TBC1D2: variants seen among roughly 807,000 people sequenced by gnomAD.
The protein encoded by TBC1D2 is TBC1 domain family member 2A.
A neutral mutation model predicts 91.1 loss-of-function variants in TBC1D2; 58 were observed. That is an observed-to-expected ratio of 0.64 (90% CI 0.52 to 0.79). The LOEUF (loss-of-function observed/expected upper bound fraction) is 0.79, where lower values mean the gene tolerates loss of function less well. Among genes scored for constraint, TBC1D2 ranks in the 30% least tolerant of loss-of-function variants. The pLI is 0.00. For missense variants in TBC1D2, 1,080 were observed against 1,208.3 expected, an observed-to-expected ratio of 0.89 and a Z score of 1.57; for synonymous variants, 482 against 511.5, an observed-to-expected ratio of 0.94 and a Z score of 0.78.
At chr9:98,225,292 G>A (rs1210194488) in intron 5 of TBC1D2, among the ~76,000 whole-genome samples, 1 of 152,250 alleles carries the variant, frequency 6.6e-6, no homozygotes, top group African/African-American at 2.4e-5. Flanking sequence ...CAGCCATCTG[G>A]TGCTATCTCC....
At chr9:98,201,407 G>T in intron 11 of TBC1D2, 72 bp downstream of exon 11, 1 of 1,393,386 alleles carries the variant, frequency 7.2e-7, no homozygotes. Context: ...TTCTCCAGGG[G>T]CAGAGTCAAG....
intron 6 of TBC1D2, chr9:98,213,553 G>A: frequency 2.7e-6 from 1 of 375,038 alleles, no homozygotes; most frequent in Non-Finnish European, 4.2e-6. Context: ...GGGCAGTTGG[G>A]AAACTAAGTG....
At chr9:98,216,447 C>T (rs1828972649) in intron 6 of TBC1D2, among the ~76,000 whole-genome samples, 1 of 152,172 alleles carries the variant, frequency 6.6e-6, no homozygotes, top group African/African-American at 2.4e-5. Flanking sequence ...TGTGGGATAA[C>T]TATTAAAGTG....
intron 2 of TBC1D2, among the ~76,000 whole-genome samples, chr9:98,251,311 A>T (rs959718926): frequency 5.3e-5 from 8 of 151,764 alleles, no homozygotes; most frequent in African/African-American, 1.9e-4. Context: ...AAAGTCACTG[A>T]TCTACCCAAC....
In TBC1D2 at chr9:98,220,843, T is replaced by G. The variant is rs775620446; in HGVS notation, c.1364A>C (p.Glu455Ala). The G allele has an allele frequency of 1.9e-6, 3 of 1,613,888 alleles. No homozygotes were observed. The East Asian group carries it at 6.7e-5, about 36-fold the overall frequency. Residue 455 changes from glutamate (E) to alanine (A), a missense_variant, in exon 6 of 13, where the codon GAG becomes GCG. Glu to Ala is a moderately radical substitution (Grantham distance 107). Transcript: ENST00000465784. ...AGGGGAGGCCCCTACCTTCAGGTGC[T>G]CTATCTTCCCCTGCTGGCTCAGGAA... ...RDFLSQQGKI[E>A]HLKDDMEAYR...
chr9:98,239,875 G>A (rs1829594308), intron 3 of TBC1D2, among the ~76,000 whole-genome samples: 1 of 152,026 alleles, frequency 6.6e-6, no homozygotes, highest in South Asian at 2.1e-4. Flanking sequence ...GGTCTTTTTA[G>A]ATTTTCTTCT....
intron 9 of TBC1D2, among the ~76,000 whole-genome samples, chr9:98,205,234 A>G (rs1417767358): frequency 1.3e-5 from 2 of 152,168 alleles, no homozygotes; most frequent in Non-Finnish European, 2.9e-5. Flanking sequence ...GCCTCAGTCT[A>G]GGGAGTTAGC....
chr9:98,239,085 G>A (rs1008240921), intron 3 of TBC1D2, among the ~76,000 whole-genome samples: 3 of 152,028 alleles, frequency 2.0e-5, no homozygotes, highest in Non-Finnish European at 4.4e-5. Context: ...TAGAGACAGT[G>A]TCTCACTCTG....
intron 9 of TBC1D2, 29 bp from the exon 10 acceptor site, chr9:98,203,437 T>C (rs1828565834): frequency 1.2e-6 from 2 of 1,611,580 alleles, no homozygotes; most frequent in East Asian, 4.5e-5. Context: ...CCTGGAGTGA[T>C]TACAGAAGCC....
intron 6 of TBC1D2, among the ~76,000 whole-genome samples, chr9:98,214,902 T>C (rs1465396488): frequency 6.6e-6 from 1 of 152,172 alleles, no homozygotes; most frequent in Non-Finnish European, 1.5e-5. Context: ...GGGGGCTCTC[T>C]GTGGTGCCCC....
At chr9:98,204,056 C>A (rs546422797) in intron 9 of TBC1D2, among the ~76,000 whole-genome samples, 1 of 152,234 alleles carries the variant, frequency 6.6e-6, no homozygotes, top group East Asian at 1.9e-4. Context: ...TAGCATAAGG[C>A]TCTAATGAAA....
In TBC1D2 at chr9:98,199,208, C is replaced by T. The variant is rs1244148545; in HGVS notation, c.*173G>A. 1.4e-6 allele frequency: 1 copy of T among 733,842 alleles called. No individual in the cohort carries two copies. The highest frequency in any genetic ancestry group is 2.2e-6 in the Non-Finnish European group (1 of 447,552). 45.5% of individuals were successfully genotyped at this position (733,842 alleles called of 1,614,324 possible). ...TATGAAGAAGTAGCCCAACCAATGG[C>T]TTTGCAGCACACAATGTCCCAGTGG... On this transcript the variant is annotated 3_prime_UTR_variant, in exon 13 of 13. Coordinates refer to ENST00000465784, the MANE Select transcript of TBC1D2 (RefSeq NM_001267571.2).
intron 9 of TBC1D2, among the ~76,000 whole-genome samples, chr9:98,203,825 A>C (rs1472284475): frequency 1.3e-5 from 2 of 152,150 alleles, no homozygotes; most frequent in Admixed American, 1.3e-4. Flanking sequence ...AATGTTAGCT[A>C]TCCTCACCTT....
chr9:98,242,803 CTTTTTTTTTTTTTT>C (rs36035887), intron 3 of TBC1D2, among the ~76,000 whole-genome samples: 4 of 83,174 alleles, frequency 4.8e-5, no homozygotes, highest in Non-Finnish European at 8.7e-5. Context: ...ACACTGCTGC[CTTTTTTTTTTTTTT>C]TTTTTTTTTT....
chr9:98,220,912 G>A lies in TBC1D2; in HGVS notation c.1295C>T (p.Pro432Leu). 6.2e-7 allele frequency: 1 copy of A among 1,614,190 alleles called. No individual in the cohort carries two copies. Among genetic ancestry groups the A allele is most frequent in the Non-Finnish European group, 8.5e-7 (1 of 1,180,022 alleles). ...GGGGCGCAAAGGAGACTGGTCAGGG[G>A]GGTGCGTGAAGTCCTGGGTGACCTT... The part of the protein sequence containing the change: ...SEKVTQDFTH[P>L]PDQSPLRPDA... The change falls in exon 6 of 13, where the codon CCC becomes CTC. Residue 432 changes from proline to leucine, a missense_variant. Pro to Leu is a moderately conservative substitution (Grantham distance 98). Transcript: ENST00000465784.
In TBC1D2 at chr9:98,243,886, T is replaced by C. The variant is rs564904141; in HGVS notation, c.647+108A>G. ...TGTGATTAATTGAAAATAAAGCCCA[T>C]AACCCTCTCCCGGGGCCCATCTCCC... On this transcript the variant is annotated intron_variant, in intron 3 of 12. Transcript: ENST00000465784. The C allele has an allele frequency of 6.3e-6, 9 of 1,425,738 alleles. No homozygotes were observed. The African/African-American group carries it at 1.3e-4, about 21-fold the overall frequency. The allele number at this position is 1,425,738 out of a possible 1,614,324, so 88.3% of individuals were successfully genotyped here.
intron 6 of TBC1D2, among the ~76,000 whole-genome samples, chr9:98,220,324 C>T (rs1025754418): frequency 6.6e-6 from 1 of 152,230 alleles, no homozygotes; most frequent in Non-Finnish European, 1.5e-5. Flanking sequence ...TGTGGCGATG[C>T]ACCCACCGAG....
intron 7 of TBC1D2, among the ~76,000 whole-genome samples, chr9:98,212,000 G>GTGAAGC (rs1158172692): frequency 8.6e-5 from 13 of 152,038 alleles, no homozygotes; most frequent in South Asian, 4.1e-4. Context: ...GCTTCACCAT[G>GTGAAGC]TTGCCCAGGC....
intron 1 of TBC1D2, among the ~76,000 whole-genome samples, chr9:98,253,995 T>C (rs1395118806): frequency 6.6e-6 from 1 of 152,204 alleles, no homozygotes; most frequent in African/African-American, 2.4e-5. Flanking sequence ...AAGAGACACA[T>C]AGACCCGGGA....
Sources: allele counts gnomAD v4.1 joint callset (sites outside exome capture counted in the v4.1 genomes callset), GRCh38; gene constraint gnomAD v4.1.1; transcripts MANE v1.5; gene names NCBI Gene and HGNC (gene_info 2026-07-23, HGNC 2026-07-21).